The following PARD3 variants were observed in gnomAD, a reference collection of about 807,000 sequenced individuals.
The protein encoded by PARD3 is par-3 family cell polarity regulator, also known as partitioning defective 3 homolog.
Under a neutral mutation model 155.4 loss-of-function variants are expected in PARD3, and 75 were observed. That is an observed-to-expected ratio of 0.48 (90% CI 0.40 to 0.58). The LOEUF is 0.58. PARD3 is among the 20% of genes least tolerant of loss of function. The probability of loss-of-function intolerance (pLI) is 0.00; values close to 1 mark genes in which losing one functional copy is unlikely to be tolerated. For missense variants in PARD3, 1,642 were observed against 1,721.7 expected, an observed-to-expected ratio of 0.95 and a Z score of 0.82; for synonymous variants, 576 against 610.5, an observed-to-expected ratio of 0.94 and a Z score of 0.83.
chr10:34,632,624 GC>G (rs1169742890), intron 2 of PARD3, among the ~76,000 whole-genome samples: 3 of 152,172 alleles, frequency 2.0e-5, no homozygotes, highest in Non-Finnish European at 4.4e-5. Flanking sequence ...CAGAAATGCT[GC>G]TTTTGAGAGA....
chr10:34,663,729 A>C (rs189883853), intron 2 of PARD3: 1 of 152,196 alleles, frequency 6.6e-6, no homozygotes, highest in African/African-American at 2.4e-5. Flanking sequence ...ATTTTAAAGA[A>C]GCTGTGTCAT....
chr10:34,581,234 CTTTT>C (rs779658592), intron 2 of PARD3, among the ~76,000 whole-genome samples: 3 of 101,270 alleles, frequency 3.0e-5, no homozygotes, highest in South Asian at 3.4e-4. Flanking sequence ...TTTTTCTTTT[CTTTT>C]TTTTTTTTTT....
At chr10:34,746,628 T>C (rs1332836500) in intron 1 of PARD3, among the ~76,000 whole-genome samples, 1 of 152,008 alleles carries the variant, frequency 6.6e-6, no homozygotes, top group African/African-American at 2.4e-5. Context: ...GTAATGAAAA[T>C]TGTCAACTTC....
chr10:34,425,861 T>G (rs1181859145), intron 5 of PARD3, among the ~76,000 whole-genome samples: 1 of 152,052 alleles, frequency 6.6e-6, no homozygotes, highest in Non-Finnish European at 1.5e-5. Flanking sequence ...TTGGGCAGAG[T>G]ACCCAAATTT....
intron 23 of PARD3, among the ~76,000 whole-genome samples, chr10:34,122,496 G>A (rs1373829090): frequency 6.6e-6 from 1 of 152,304 alleles, no homozygotes; most frequent in South Asian, 2.1e-4. Context: ...AGGAGTGAAT[G>A]AGTTTGGGAT....
At chr10:34,723,576 T>C (rs1474445184) in intron 1 of PARD3, among the ~76,000 whole-genome samples, 2 of 152,076 alleles carry the variant, frequency 1.3e-5, no homozygotes, top group Non-Finnish European at 2.9e-5. Flanking sequence ...TATTTCAAAC[T>C]CTGTTTGAAA....
chr10:34,616,311 T>TCC (rs374569296), intron 2 of PARD3, among the ~76,000 whole-genome samples: 6 of 151,582 alleles, frequency 4.0e-5, no homozygotes, highest in South Asian at 4.2e-4. Flanking sequence ...GGTGAGACTC[T>TCC]CTCAAAAAAA....
intron 2 of PARD3, among the ~76,000 whole-genome samples, chr10:34,683,117 C>A (rs111434668): frequency 3.9e-4 from 60 of 152,192 alleles, no homozygotes; most frequent in African/African-American, 1.1e-3. Context: ...GAAGCCAACA[C>A]CCTAAGTGAA....
chr10:34,330,443 T>C (rs1421452376), intron 19 of PARD3, among the ~76,000 whole-genome samples: 2 of 151,886 alleles, frequency 1.3e-5, no homozygotes, highest in South Asian at 2.1e-4. Flanking sequence ...TAAACACACA[T>C]AAATATAGCT....
chr10:34,528,037 C>T (rs1300525485), intron 2 of PARD3, among the ~76,000 whole-genome samples: 2 of 152,188 alleles, frequency 1.3e-5, no homozygotes. Context: ...ATCAACTCTT[C>T]ATTAGTATAA....
chr10:34,711,719 T>C (rs2094451728), intron 1 of PARD3, among the ~76,000 whole-genome samples: 1 of 151,884 alleles, frequency 6.6e-6, no homozygotes, highest in Non-Finnish European at 1.5e-5. Flanking sequence ...CCCTATTGGG[T>C]ATAGGAAAGA....
intron 6 of PARD3, among the ~76,000 whole-genome samples, chr10:34,401,268 T>A (rs1251674248): frequency 6.6e-6 from 1 of 152,134 alleles, no homozygotes; most frequent in East Asian, 1.9e-4. Context: ...AACAGGAAAT[T>A]TTTCTTTGTC....
At chr10:34,566,721 G>A (rs1479191504) in intron 2 of PARD3, among the ~76,000 whole-genome samples, 2 of 152,088 alleles carry the variant, frequency 1.3e-5, no homozygotes. Flanking sequence ...GTCTTATAGA[G>A]TTCTATCTAG....
intron 22 of PARD3, among the ~76,000 whole-genome samples, chr10:34,233,658 A>G (rs1329760126): frequency 6.6e-6 from 1 of 152,212 alleles, no homozygotes; most frequent in East Asian, 1.9e-4. Flanking sequence ...TCAAGTCAGA[A>G]TCTTGCCAGT....
At chr10:34,347,753 A>G (rs1837582453) in intron 15 of PARD3, among the ~76,000 whole-genome samples, 1 of 152,202 alleles carries the variant, frequency 6.6e-6, no homozygotes, top group Admixed American at 6.5e-5. Context: ...AGGATCTAAA[A>G]GTCACTTAAA....
At chr10:34,291,729 C>T (rs1956684103) in intron 20 of PARD3, among the ~76,000 whole-genome samples, 1 of 152,188 alleles carries the variant, frequency 6.6e-6, no homozygotes, top group Non-Finnish European at 1.5e-5. Context: ...CTGAAAGTAG[C>T]TGGTTAATAA....
chr10:34,530,244 GT>G (rs753088741), intron 2 of PARD3, among the ~76,000 whole-genome samples: 5 of 151,726 alleles, frequency 3.3e-5, no homozygotes, highest in Admixed American at 6.6e-5. Context: ...GACTTTTTCT[GT>G]TTTTTTTCTC....
intron 22 of PARD3, among the ~76,000 whole-genome samples, chr10:34,189,996 C>A (rs532832348): frequency 7.8e-4 from 118 of 152,240 alleles, no homozygotes; most frequent in African/African-American, 2.7e-3. Flanking sequence ...AGTGTACCAT[C>A]TGTTGGAGGA....
intron 2 of PARD3, among the ~76,000 whole-genome samples, chr10:34,651,563 A>G (rs567894602): frequency 6.6e-6 from 1 of 152,324 alleles, no homozygotes; most frequent in Admixed American, 6.5e-5. Flanking sequence ...CAGTCCCTGA[A>G]GAGGGGCTTG....
Sources: gnomAD v4.1 joint callset for allele counts (sites outside exome capture counted in the v4.1 genomes callset) on GRCh38, gnomAD v4.1.1 for gene constraint, MANE v1.5 for transcripts, NCBI Gene and HGNC (gene_info 2026-07-23, HGNC 2026-07-21) for gene names.